Variants in ATIC observed in about 807,000 individuals in gnomAD.
ATIC encodes bifunctional purine biosynthesis protein ATIC.
Under a neutral mutation model 72.5 loss-of-function variants are expected in ATIC, and 64 were observed. The observed-to-expected ratio is 0.88, with a 90% CI of 0.72 to 1.09. The LOEUF is 1.09. Ranked by LOEUF, ATIC falls within the 50% of genes least tolerant of loss-of-function variation. ATIC has a pLI of 0.00. For missense variants in ATIC, 787 were observed against 732.4 expected, an observed-to-expected ratio of 1.07 and a Z score of -0.86; for synonymous variants, 281 against 267.1, an observed-to-expected ratio of 1.05 and a Z score of -0.51.
chr2:215,357,426 GT>G, the ATIC span, among the ~76,000 whole-genome samples: 7 of 152,174 alleles, frequency 4.6e-5, no homozygotes, highest in Non-Finnish European at 4.4e-5. Context: ...CACATGAGCT[GT>G]TTTAGAGATA....
At chr2:215,335,914 G>A (rs980166542) in intron 10 of ATIC, 121 bp from the exon 11 acceptor site, 8 of 754,346 alleles carry the variant, frequency 1.1e-5, no homozygotes, top group Admixed American at 9.4e-5. Flanking sequence ...AGCATTGTTT[G>A]TTGGAGGCAG....
chr2:215,313,673 A>G (rs1035363592), intron 2 of ATIC, among the ~76,000 whole-genome samples: 2 of 152,224 alleles, frequency 1.3e-5, no homozygotes, highest in Non-Finnish European at 2.9e-5. Context: ...ATGTAGAGGT[A>G]GGTTATTACC....
rs1298864610 is a variant in ATIC, at chr2:215,326,142, G to T, written c.531+4G>T. 6.2e-7 allele frequency: 1 copy of T among 1,613,684 alleles called. No homozygotes were observed. Among genetic ancestry groups the T allele is most frequent in the Non-Finnish European group, 8.5e-7 (1 of 1,179,840 alleles). ...TAGACGCCAGTTAGCCTTGAAGGTGGGATGCACTTTCATGATATTGTAAGT... is the reference window on the plus strand; with the variant it reads ...TAGACGCCAGTTAGCCTTGAAGGTGTGATGCACTTTCATGATATTGTAAGT... On this transcript the variant is annotated splice_donor_region_variant and intron_variant, in intron 6 of 15. Coordinates refer to ENST00000236959, the MANE Select transcript of ATIC (RefSeq NM_004044.7).
chr2:215,355,292 A>C, the ATIC span, among the ~76,000 whole-genome samples: 2 of 152,168 alleles, frequency 1.3e-5, no homozygotes, highest in Non-Finnish European at 2.9e-5. Flanking sequence ...CAATCATTCG[A>C]AACGTCAAGA....
chr2:215,342,457 C>G (rs2053029296), intron 12 of ATIC, among the ~76,000 whole-genome samples: 1 of 152,132 alleles, frequency 6.6e-6, no homozygotes, highest in Non-Finnish European at 1.5e-5. Context: ...ATTTGTCACA[C>G]TACAGTACAG....
intron 12 of ATIC, 109 bp downstream of exon 12, chr2:215,339,016 G>T: frequency 7.0e-7 from 1 of 1,430,126 alleles, no homozygotes; most frequent in South Asian, 1.2e-5. Flanking sequence ...TGGTCTGTAT[G>T]CACACGGCTA....
At chr2:215,315,082 C>G (rs1303234004) in intron 2 of ATIC, among the ~76,000 whole-genome samples, 1 of 152,084 alleles carries the variant, frequency 6.6e-6, no homozygotes, top group Non-Finnish European at 1.5e-5. Context: ...GCCAGGAAAG[C>G]CTGTCTGTCC....
chr2:215,335,738 A>G (rs541384202), intron 10 of ATIC, among the ~76,000 whole-genome samples: 1 of 152,196 alleles, frequency 6.6e-6, no homozygotes, highest in East Asian at 1.9e-4. Flanking sequence ...CATTCAAAAC[A>G]CTCCCTGAAG....
At chr2:215,346,968 G>A in intron 14 of ATIC, 27 bp downstream of exon 14, 1 of 1,612,262 alleles carries the variant, frequency 6.2e-7, no homozygotes, top group South Asian at 1.1e-5. Flanking sequence ...TGGGTTCTCG[G>A]CTGTGTTAAT....
intron 10 of ATIC, 136 bp downstream of exon 10, chr2:215,335,140 A>G (rs993911180): frequency 4.4e-6 from 2 of 452,720 alleles, no homozygotes; most frequent in Non-Finnish European, 7.4e-6. Context: ...TTTAATGTTC[A>G]TATTTTAAAT....
In ATIC at chr2:215,332,500, C is replaced by T. The variant is rs267599202; in HGVS notation, c.807C>T (p.Ser269=). ...CCGCTGCCTCTTTCAAACATGTCAGCCCAGCAGGTAAAGCTCTGTGCTCTG... is the reference window on the plus strand; with the variant it reads ...CCGCTGCCTCTTTCAAACATGTCAGTCCAGCAGGTAAAGCTCTGTGCTCTG... ...IPAAASFKHV[S]PAGAAVGIPL... The change falls in exon 8 of 16, where the codon AGC becomes AGT. Residue 269 remains serine, a synonymous_variant. Transcript: ENST00000236959. The T allele has an allele frequency of 3.7e-6, 6 of 1,613,964 alleles. No homozygotes were observed. Among genetic ancestry groups the T allele is most frequent in the Admixed American group, 1.7e-5 (1 of 59,988 alleles).
the ATIC span, chr2:215,361,265 T>G: frequency 2.7e-6 from 1 of 376,804 alleles, no homozygotes. Context: ...TATGCTTTCC[T>G]ATTGATCCCA....
chr2:215,328,392 C>T (rs1427643635), intron 7 of ATIC, among the ~76,000 whole-genome samples: 1 of 152,162 alleles, frequency 6.6e-6, no homozygotes, highest in South Asian at 2.1e-4. Flanking sequence ...CCCACAAACC[C>T]TGTGCTGCCT....
At chr2:215,352,958 G>A (rs1048401664), downstream of ATIC, among the ~76,000 whole-genome samples, 14 of 152,268 alleles carry the variant, frequency 9.2e-5, no homozygotes, top group Admixed American at 2.6e-4. Context: ...ATTGATAGCC[G>A]TAGTTATGTA....
chr2:215,367,576 C>G, the ATIC span: 5 of 426,756 alleles, frequency 1.2e-5, no homozygotes, highest in Non-Finnish European at 2.2e-5. Flanking sequence ...AGTCTTTATC[C>G]ATTTGTTTTC....
chr2:215,361,505 A>G, the ATIC span: 2 of 1,299,644 alleles, frequency 1.5e-6, no homozygotes, highest in East Asian at 2.3e-5. Flanking sequence ...TCCAGTTTAG[A>G]TGGATCTTGG....
At chr2:215,328,375 G>A (rs1236757959) in intron 7 of ATIC, among the ~76,000 whole-genome samples, 2 of 152,170 alleles carry the variant, frequency 1.3e-5, no homozygotes, top group South Asian at 2.1e-4. Flanking sequence ...TAAGCACTTT[G>A]CCCTGCCCCA....
intron 7 of ATIC, among the ~76,000 whole-genome samples, chr2:215,331,457 A>G (rs1312611351): frequency 2.1e-5 from 3 of 143,310 alleles, no homozygotes; most frequent in East Asian, 2.0e-4. Context: ...GTTTCGGCTC[A>G]CTACAACCTC....
chr2:215,342,258 T>C (rs1269717620), intron 12 of ATIC, among the ~76,000 whole-genome samples: 12 of 152,240 alleles, frequency 7.9e-5, no homozygotes, highest in African/African-American at 2.7e-4. Context: ...GATTTATAGT[T>C]GATGACTCAA....
Sources: allele counts gnomAD v4.1 joint callset (sites outside exome capture counted in the v4.1 genomes callset), GRCh38; gene constraint gnomAD v4.1.1; transcripts MANE v1.5; gene names NCBI Gene and HGNC (gene_info 2026-07-23, HGNC 2026-07-21).